Variants in PDE11A observed in about 807,000 individuals in gnomAD.
PDE11A encodes the protein phosphodiesterase 11A, also known as dual 3',5'-cyclic-AMP and -GMP phosphodiesterase 11A.
A neutral mutation model predicts 100.5 loss-of-function variants in PDE11A; 100 were observed. The observed-to-expected ratio is 1.00, with a 90% confidence interval of 0.85 to 1.18. The LOEUF is 1.18. Ranked by LOEUF, PDE11A falls within the 50% of genes most tolerant of loss-of-function variation. The probability of loss-of-function intolerance (pLI) is 0.00; values close to 1 mark genes in which losing one functional copy is unlikely to be tolerated. For synonymous variants in PDE11A, 381 were observed against 420.8 expected, an observed-to-expected ratio of 0.91 and a Z score of 1.16; for missense variants, 1,141 against 1,152.6, an observed-to-expected ratio of 0.99 and a Z score of 0.15.
chr2:177,842,843 C>T (rs1341156295), intron 5 of PDE11A, among the ~76,000 whole-genome samples: 2 of 151,314 alleles, frequency 1.3e-5, no homozygotes, highest in Non-Finnish European at 3.0e-5. Flanking sequence ...GGAAAGATGA[C>T]AGATATTCTG....
intron 9 of PDE11A, among the ~76,000 whole-genome samples, chr2:177,795,240 A>C (rs1381298956): frequency 6.6e-6 from 1 of 152,150 alleles, no homozygotes; most frequent in African/African-American, 2.4e-5. Context: ...AGGGTGGGAC[A>C]CACTTTTGGA....
chr2:177,964,832 G>C (rs930995958), intron 2 of PDE11A, among the ~76,000 whole-genome samples: 5 of 152,140 alleles, frequency 3.3e-5, no homozygotes, highest in Admixed American at 1.3e-4. Flanking sequence ...CGATGAACGT[G>C]CATGTATATG....
At chr2:177,852,011 C>T (rs2083719924) in intron 5 of PDE11A, among the ~76,000 whole-genome samples, 1 of 152,080 alleles carries the variant, frequency 6.6e-6, no homozygotes, top group Non-Finnish European at 1.5e-5. Flanking sequence ...TTTGGTTTCC[C>T]ATACAGATGA....
chr2:178,004,064 C>A (rs2086175928), intron 2 of PDE11A, among the ~76,000 whole-genome samples: 1 of 152,014 alleles, frequency 6.6e-6, no homozygotes, highest in Non-Finnish European at 1.5e-5. Flanking sequence ...TGATAAAATA[C>A]TGTGTGTACT....
intron 9 of PDE11A, among the ~76,000 whole-genome samples, chr2:177,775,680 G>A (rs535730491): frequency 4.6e-5 from 7 of 152,254 alleles, no homozygotes; most frequent in East Asian, 3.9e-4. Context: ...TACACCAAGC[G>A]CTTTTCTACC....
intron 6 of PDE11A, among the ~76,000 whole-genome samples, chr2:177,832,554 C>CTATCT (rs1558961247): frequency 2.0e-4 from 29 of 146,402 alleles, no homozygotes; most frequent in Non-Finnish European, 3.1e-4. Flanking sequence ...TACTCACATC[C>CTATCT]ATCTATCTAT....
chr2:177,959,386 A>G (rs369363415), intron 2 of PDE11A, among the ~76,000 whole-genome samples: 2 of 152,194 alleles, frequency 1.3e-5, no homozygotes, highest in Admixed American at 6.5e-5. Flanking sequence ...TAAAAGTGCC[A>G]TGATCTGATT....
At chr2:177,802,716 A>G (rs1385167486) in intron 9 of PDE11A, among the ~76,000 whole-genome samples, 2 of 152,008 alleles carry the variant, frequency 1.3e-5, no homozygotes, top group African/African-American at 4.8e-5. Flanking sequence ...GGACGGAGCA[A>G]AAGGGAACTT....
At chr2:177,645,668 T>C (rs2080214031) in intron 19 of PDE11A, among the ~76,000 whole-genome samples, 1 of 152,252 alleles carries the variant, frequency 6.6e-6, no homozygotes. Context: ...GCACAGTGTT[T>C]TGGGCATCTT....
At chr2:177,944,977 C>T (rs1344819725) in intron 2 of PDE11A, among the ~76,000 whole-genome samples, 3 of 149,526 alleles carry the variant, frequency 2.0e-5, no homozygotes, top group Non-Finnish European at 4.5e-5. Flanking sequence ...ATTGCAGGCA[C>T]GCGCCGCCAC....
Position 177,920,118 on chromosome 2 carries a change from T to C in PDE11A, c.1072-14931A>G, listed in dbSNP as rs1001906423. Among the ~76,000 whole-genome samples, 3 of 152,046 alleles carry C rather than the reference T, an allele frequency of 2.0e-5. No homozygotes were observed. The East Asian group carries it at 5.8e-4, about 29-fold the overall frequency. ...TAAAAATATATAACTATAAAAGCCA[T>C]AGGGGAAATATGGTAAACATTTACA... is the stretch of plus-strand genomic sequence containing the variant. On this transcript the variant is annotated intron_variant, in intron 2 of 19. Coordinates refer to ENST00000286063, the MANE Select transcript of PDE11A (RefSeq NM_016953.4).
intron 1 of PDE11A, among the ~76,000 whole-genome samples, chr2:178,024,313 G>A (rs960197363): frequency 6.6e-6 from 1 of 152,142 alleles, no homozygotes; most frequent in Admixed American, 6.5e-5. Context: ...TCGGGAGGCC[G>A]AGGCAGGAGA....
At chr2:177,733,202 A>G in intron 10 of PDE11A, among the ~76,000 whole-genome samples, 1 of 152,260 alleles carries the variant, frequency 6.6e-6, no homozygotes, top group Non-Finnish European at 1.5e-5. Flanking sequence ...ATAAGGTGTC[A>G]TATCCCTAAA....
intron 1 of PDE11A, among the ~76,000 whole-genome samples, chr2:178,016,131 A>ATC (rs2086333516): frequency 1.2e-5 from 1 of 83,744 alleles, no homozygotes; most frequent in Non-Finnish European, 2.1e-5. Flanking sequence ...TGCCTGGCTA[A>ATC]TTTTTTTTTT....
chr2:177,859,316 A>T (rs1242286984), intron 5 of PDE11A, among the ~76,000 whole-genome samples: 3 of 152,020 alleles, frequency 2.0e-5, no homozygotes, highest in African/African-American at 4.8e-5. Context: ...TTTTTATAAA[A>T]GCCAAAAAGG....
chr2:177,840,120 C>A, intron 6 of PDE11A, 131 bp downstream of exon 6: 2 of 895,812 alleles, frequency 2.2e-6, no homozygotes, highest in South Asian at 3.0e-5. Flanking sequence ...CAACAGTAGG[C>A]AATGCTAAAA....
At chr2:177,859,228 C>A (rs928086654) in intron 5 of PDE11A, among the ~76,000 whole-genome samples, 7 of 151,114 alleles carry the variant, frequency 4.6e-5, no homozygotes, top group Middle Eastern at 3.4e-3. Flanking sequence ...CACATGTACC[C>A]TAAAAGTATA....
chr2:177,747,070 G>T (rs2081958434), intron 10 of PDE11A, among the ~76,000 whole-genome samples: 1 of 152,174 alleles, frequency 6.6e-6, no homozygotes, highest in Non-Finnish European at 1.5e-5. Context: ...ATGTCAGCTG[G>T]ATAGAGGCCA....
In PDE11A at chr2:177,984,860, GC is replaced by G. The variant is rs532665760; in HGVS notation, c.1071+29441del. ...TACCTTCTACCAAAGCTCCCAGCTC[GC>G]CTTGTAGAGCAGAGATTGAAGCATG... On this transcript the variant is annotated intron_variant, in intron 2 of 19. Coordinates refer to ENST00000286063, the MANE Select transcript of PDE11A (RefSeq NM_016953.4). Among the ~76,000 whole-genome samples, 8 of 152,292 alleles carry G rather than the reference GC, an allele frequency of 5.3e-5. No individual in the cohort carries two copies. The South Asian group carries it at 1.7e-3, about 32-fold the overall frequency.
Sources: allele counts gnomAD v4.1 joint callset (sites outside exome capture counted in the v4.1 genomes callset), GRCh38; gene constraint gnomAD v4.1.1; transcripts MANE v1.5; gene names NCBI Gene and HGNC (gene_info 2026-07-23, HGNC 2026-07-21).